The following SCN10A variants were observed in gnomAD, a reference collection of about 807,000 sequenced individuals.
SCN10A encodes the protein sodium channel protein type 10 subunit alpha.
Under a neutral mutation model 170.7 loss-of-function variants are expected in SCN10A, and 162 were observed. The observed-to-expected ratio is 0.95, with a 90% CI of 0.84 to 1.08. The LOEUF is 1.08. Among genes scored for constraint, SCN10A ranks in the 50% least tolerant of loss-of-function variants. SCN10A has a pLI of 0.00. For synonymous variants in SCN10A, 985 were observed against 904.6 expected, an observed-to-expected ratio of 1.09 and a Z score of -1.59; for missense variants, 2,527 against 2,436.9, an observed-to-expected ratio of 1.04 and a Z score of -0.78.
At chr3:38,795,254 G>T (rs758842113) in intron 1 of SCN10A, among the ~76,000 whole-genome samples, 2 of 151,858 alleles carry the variant, frequency 1.3e-5, no homozygotes, top group Admixed American at 6.6e-5. Context: ...TCACTAAAAT[G>T]CTTCCTTGCA....
Position 38,707,385 on chromosome 3 carries a change from T to G in SCN10A, c.4282-2A>C. ...CATGAAGATGTCCTGGCCCCCTAAGTGCAGAGAGGGCCACACTGTTACTAA... is the reference window on the plus strand; with the variant it reads ...CATGAAGATGTCCTGGCCCCCTAAGGGCAGAGAGGGCCACACTGTTACTAA... On this transcript the variant is annotated splice_acceptor_variant, in intron 25 of 27. Coordinates refer to ENST00000449082, the MANE Select transcript of SCN10A (RefSeq NM_006514.4). LOFTEE classifies it high-confidence loss of function. 1 of 1,613,904 alleles carries G rather than the reference T, an allele frequency of 6.2e-7. No homozygotes were observed. The highest frequency in any genetic ancestry group is 8.5e-7 in the Non-Finnish European group (1 of 1,179,794).
intron 6 of SCN10A, among the ~76,000 whole-genome samples, chr3:38,763,009 G>A (rs1219914841): frequency 1.3e-5 from 2 of 152,054 alleles, no homozygotes; most frequent in Non-Finnish European, 2.9e-5. Context: ...GAGCTTTGAT[G>A]GACTACTTTT....
chr3:38,751,965 A>T (rs902880121), intron 12 of SCN10A, among the ~76,000 whole-genome samples: 3 of 152,180 alleles, frequency 2.0e-5, no homozygotes, highest in African/African-American at 7.2e-5. Context: ...CTGATAAGAA[A>T]TATGGGGTCA....
At chr3:38,788,623 G>T (rs550639468) in intron 4 of SCN10A, among the ~76,000 whole-genome samples, 2 of 151,002 alleles carry the variant, frequency 1.3e-5, no homozygotes, top group Admixed American at 6.6e-5. Context: ...TGTGTGTTGG[G>T]GGGGGGTGGG....
At chr3:38,742,650 G>GC in intron 13 of SCN10A, 121 bp from the exon 14 acceptor site, 1 of 754,264 alleles carries the variant, frequency 1.3e-6, no homozygotes, top group Non-Finnish European at 2.3e-6. Context: ...TTTGACTTCA[G>GC]CCCTCTCTCT....
intron 1 of SCN10A, among the ~76,000 whole-genome samples, chr3:38,798,616 A>G (rs969394444): frequency 1.8e-4 from 28 of 152,042 alleles, no homozygotes; most frequent in African/African-American, 5.3e-4. Context: ...AGAAATATCT[A>G]TTCTAGTTTA....
At chr3:38,808,130 A>G (rs982395507) in intron 1 of SCN10A, among the ~76,000 whole-genome samples, 3 of 152,040 alleles carry the variant, frequency 2.0e-5, no homozygotes, top group South Asian at 2.1e-4. Flanking sequence ...GTCCCTGCCC[A>G]TCACCTCCTT....
intron 27 of SCN10A, among the ~76,000 whole-genome samples, chr3:38,699,558 A>C (rs1028286210): frequency 1.3e-5 from 2 of 152,208 alleles, no homozygotes; most frequent in Non-Finnish European, 2.9e-5. Context: ...TGTTATGCAC[A>C]TGGGTCACAA....
At chr3:38,795,495 A>G (rs188122503) in intron 1 of SCN10A, among the ~76,000 whole-genome samples, 54 of 150,640 alleles carry the variant, frequency 3.6e-4, no homozygotes, top group African/African-American at 1.2e-3. Context: ...ACATGTCACC[A>G]CACTCGGCTA....
rs1443796927 is a variant in SCN10A at position 38,793,752 on chromosome 3, T to G, written c.259A>C (p.Ser87Arg). 1.2e-6 allele frequency: 2 copies of G among 1,613,714 alleles called. No homozygotes were observed. Among genetic ancestry groups the G allele is most frequent in the Admixed American group, 1.7e-5 (1 of 59,984 alleles). The change falls in exon 2 of 28, where the codon AGC becomes CGC. Residue 87 changes from serine to arginine, a missense_variant. Physicochemically the swap from Ser to Arg is moderately radical, Grantham distance 110. Transcript: ENST00000449082. ...EPLEDLDPFYSTHRTFMVLNK... is the reference protein window; with the variant it reads ...EPLEDLDPFYRTHRTFMVLNK... ...CTAGTAGCTCTTACCCGGTGTGTGC[T>G]GTAGAACGGATCTAGATCCTCCAGG...
chr3:38,772,322 G>GAAAAAAAAAAAAAAA (rs147803028), intron 4 of SCN10A, among the ~76,000 whole-genome samples: 1 of 133,870 alleles, frequency 7.5e-6, no homozygotes, highest in African/African-American at 2.8e-5. Context: ...CCAAACAACT[G>GAAAAAAAAAAAAAAA]AAAAAAAAAA....
At position 38,793,867 on chromosome 3, in the gene SCN10A, T is replaced by G. The variant is rs368338265; in HGVS notation, c.144A>C (p.Glu48Asp). 2 of 1,614,088 alleles carry G rather than the reference T, an allele frequency of 1.2e-6. No homozygotes were observed. Among genetic ancestry groups the G allele is most frequent in the South Asian group, 1.1e-5 (1 of 91,086 alleles). Residue 48 changes from glutamate to aspartate, a missense_variant, in exon 2 of 28, where the codon GAA becomes GAC. Glu to Asp is a conservative substitution (Grantham distance 45, BLOSUM62 2). Transcript: ENST00000449082. ...REKHREQKDQ[E>D]EKPRPQLDLK... ...AGTCCAGCTGGGGCCGAGGCTTCTC[T>G]TCTTGGTCCTTCTGCTCCCTATGCT...
chr3:38,766,322 G>A (rs1350011229), intron 5 of SCN10A, among the ~76,000 whole-genome samples: 1 of 152,032 alleles, frequency 6.6e-6, no homozygotes, highest in Non-Finnish European at 1.5e-5. Context: ...CAGTTCTCAG[G>A]GGGAATGCTT....
intron 15 of SCN10A, among the ~76,000 whole-genome samples, chr3:38,737,949 T>G (rs2063588725): frequency 6.6e-6 from 1 of 151,580 alleles, no homozygotes; most frequent in South Asian, 2.1e-4. Flanking sequence ...TGTGTCTCCT[T>G]TCTTTTTTGA....
intron 15 of SCN10A, among the ~76,000 whole-genome samples, chr3:38,736,353 G>A (rs1395599209): frequency 2.9e-5 from 4 of 135,840 alleles, no homozygotes; most frequent in Non-Finnish European, 4.7e-5. Flanking sequence ...GTTGGTAATA[G>A]GGAAACTCTG....
chr3:38,744,129 A>T (rs2063662181), intron 13 of SCN10A, among the ~76,000 whole-genome samples: 1 of 152,242 alleles, frequency 6.6e-6, no homozygotes, highest in South Asian at 2.1e-4. Context: ...ATTTGTGGTG[A>T]TGTAGAAAAA....
In SCN10A at chr3:38,755,729, A is replaced by G. The variant is rs1449574120; in HGVS notation, c.1461+59T>C. The G allele has an allele frequency of 2.5e-6, 4 of 1,594,894 alleles. No individual in the cohort carries two copies. The African/African-American group carries it at 4.0e-5, about 16-fold the overall frequency. On this transcript the variant is annotated intron_variant, in intron 11 of 27. Transcript: ENST00000449082. ...CACACACCTCTTCCCACTCCAACTC[A>G]TTGTCTACGGCAGCTGCAATGGTGG...
At position 38,756,702 on chromosome 3, in the gene SCN10A, G is replaced by A. The variant is rs1256986487; in HGVS notation, c.1262C>T (p.Ala421Val). Reference protein sequence around the residue: ...IEAKEKKFQEALEMLRKEQEV... With the variant: ...IEAKEKKFQEVLEMLRKEQEV... Reference sequence around the variant, plus strand: ...CTGCTCCTTCCGGAGCATCTCGAGGGCCTCCTGGAACTTCTTCTCCTTTGC... The same window carrying A: ...CTGCTCCTTCCGGAGCATCTCGAGGACCTCCTGGAACTTCTTCTCCTTTGC... Residue 421 changes from alanine to valine, a missense_variant, in exon 10 of 28, where the codon GCC becomes GTC. Coordinates refer to ENST00000449082, the MANE Select transcript of SCN10A (RefSeq NM_006514.4). The A allele has an allele frequency of 1.2e-6, 2 of 1,613,870 alleles. No homozygotes were observed. Among genetic ancestry groups the A allele is most frequent in the African/African-American group, 2.7e-5 (2 of 74,902 alleles).
intron 21 of SCN10A, among the ~76,000 whole-genome samples, chr3:38,715,637 T>C (rs1446575503): frequency 2.6e-5 from 4 of 152,150 alleles, no homozygotes; most frequent in African/African-American, 7.2e-5. Flanking sequence ...GTCCTGCTCA[T>C]TTCTATGCCC....
Sources: allele counts gnomAD v4.1 joint callset (sites outside exome capture counted in the v4.1 genomes callset), GRCh38; gene constraint gnomAD v4.1.1; transcripts MANE v1.5; gene names NCBI Gene and HGNC (gene_info 2026-07-23, HGNC 2026-07-21).